Variants in CCDC39 observed in about 807,000 individuals in gnomAD.
CCDC39 encodes coiled-coil domain 39 molecular ruler complex subunit, also known as coiled-coil domain-containing protein 39.
A neutral mutation model predicts 121.0 loss-of-function variants in CCDC39; 113 were observed. The ratio of observed to expected loss-of-function variants is 0.93; its 90% CI spans 0.80 to 1.09. The LOEUF is 1.09. Among genes scored for constraint, CCDC39 ranks in the 50% least tolerant of loss-of-function variants. The pLI is 0.00. For missense variants in CCDC39, 1,063 were observed against 1,074.7 expected (o/e 0.99, Z 0.15); for synonymous variants, 349 against 352.2 (o/e 0.99, Z 0.10).
intron 14 of CCDC39, among the ~76,000 whole-genome samples, chr3:180,623,003 T>G (rs1489054766): frequency 6.6e-6 from 1 of 151,870 alleles, no homozygotes; most frequent in Admixed American, 6.6e-5. Flanking sequence ...TTGTATTAGT[T>G]CTTCTTTGTA....
intron 1 of CCDC39, among the ~76,000 whole-genome samples, chr3:180,670,639 C>CTTTTTTTTTTTTTTTTTTTTTTCTTT (rs573623299): frequency 8.3e-6 from 1 of 120,432 alleles, no homozygotes; most frequent in Non-Finnish European, 1.8e-5. Flanking sequence ...TTTTTTTTCT[C>CTTTTTTTTTTTTTTTTTTTTTTCTTT]TTTTTTTTTT....
At chr3:180,658,036 C>T (rs1454051520) in intron 6 of CCDC39, among the ~76,000 whole-genome samples, 1 of 150,492 alleles carries the variant, frequency 6.6e-6, no homozygotes, top group African/African-American at 2.4e-5. Flanking sequence ...GAGTTCGAGA[C>T]CAGCCTGGCC....
intron 3 of CCDC39, among the ~76,000 whole-genome samples, chr3:180,661,295 A>T (rs954641080): frequency 5.9e-5 from 9 of 152,184 alleles, no homozygotes; most frequent in African/African-American, 1.7e-4. Flanking sequence ...CTATATAAAC[A>T]AATACAAATT....
chr3:180,616,737 C>G (rs1286138889), intron 17 of CCDC39, 42 bp from the exon 18 acceptor site: 3 of 1,569,856 alleles, frequency 1.9e-6, no homozygotes, highest in Non-Finnish European at 2.6e-6. Context: ...AACGTGTTTA[C>G]CAGAATTTAA....
intron 11 of CCDC39, 59 bp from the exon 12 acceptor site, chr3:180,644,316 A>G: frequency 9.9e-7 from 1 of 1,013,638 alleles, no homozygotes. Context: ...AAAATATTAA[A>G]TACATGCTGT....
At chr3:180,650,411 A>G (rs962638272) in intron 9 of CCDC39, among the ~76,000 whole-genome samples, 1 of 152,238 alleles carries the variant, frequency 6.6e-6, no homozygotes, top group African/African-American at 2.4e-5. Context: ...ACAAAAAAAC[A>G]GTGATAATCA....
intron 14 of CCDC39, among the ~76,000 whole-genome samples, chr3:180,629,010 T>TA (rs1404383457): frequency 1.3e-5 from 2 of 152,176 alleles, no homozygotes; most frequent in African/African-American, 4.8e-5. Context: ...AAAACAGACT[T>TA]ACATTGAAAA....
intron 6 of CCDC39, among the ~76,000 whole-genome samples, chr3:180,658,441 C>CA (rs1000481091): frequency 6.6e-6 from 1 of 150,742 alleles, no homozygotes; most frequent in Non-Finnish European, 1.5e-5. Context: ...ACTAAAAATC[C>CA]AAAAAAATTA....
chr3:180,666,401 T>A (rs943545379), intron 1 of CCDC39, among the ~76,000 whole-genome samples: 4 of 152,202 alleles, frequency 2.6e-5, no homozygotes, highest in African/African-American at 9.6e-5. Flanking sequence ...TGTTTTTACT[T>A]TTATTGTATT....
rs569366223 is a variant in CCDC39 at position 180,626,616 on chromosome 3, A to G, written c.1998+4853T>C. Among the ~76,000 whole-genome samples, 27 of 152,258 alleles carry G rather than the reference A, an allele frequency of 1.8e-4. No homozygotes were observed. In the East Asian group the frequency reaches 1.9e-3, roughly 11 times the overall value. The stretch of plus-strand genomic sequence containing the variant: ...ATCGGAGACAGCTGCAGCAATGTCA[A>G]CCTGCACTTGGCCCAAATGTGGGGC... On this transcript the variant is annotated intron_variant, in intron 14 of 19. Coordinates refer to ENST00000476379, the MANE Select transcript of CCDC39 (RefSeq NM_181426.2).
rs539558889 is a variant in CCDC39 at position 180,671,809 on chromosome 3, G to A, written c.90+7482C>T. 2.6e-5 allele frequency among the ~76,000 whole-genome samples: 4 copies of A among 152,142 alleles called. No individual in the cohort carries two copies. The South Asian group carries it at 8.3e-4, about 32-fold the overall frequency. On this transcript the variant is annotated intron_variant, in intron 1 of 19. Coordinates refer to ENST00000476379, the MANE Select transcript of CCDC39 (RefSeq NM_181426.2). The stretch of plus-strand genomic sequence containing the variant: ...AGGGTGAAGAAGCTGCAGAAGAAAA[G>A]TTTAAAACTAGCAGAGCTGGGTTCA...
intron 18 of CCDC39, 22 bp downstream of exon 18, chr3:180,616,494 T>G (rs767886116): frequency 6.6e-7 from 1 of 1,513,226 alleles, no homozygotes; most frequent in Admixed American, 2.3e-5. Flanking sequence ...TAAGAAATAT[T>G]TAATAGAAGG....
intron 14 of CCDC39, among the ~76,000 whole-genome samples, chr3:180,620,940 T>C (rs1398800384): frequency 6.6e-6 from 1 of 152,074 alleles, no homozygotes; most frequent in Non-Finnish European, 1.5e-5. Context: ...TTCTGAGTCT[T>C]CCGTGTCTAT....
At chr3:180,678,681 T>A (rs2108438513) in intron 1 of CCDC39, among the ~76,000 whole-genome samples, 1 of 151,898 alleles carries the variant, frequency 6.6e-6, no homozygotes. Context: ...TAACAACTGC[T>A]ATGAATTGTA....
chr3:180,630,975 T>G (rs537295350), intron 14 of CCDC39, among the ~76,000 whole-genome samples: 1 of 151,924 alleles, frequency 6.6e-6, no homozygotes, highest in South Asian at 2.1e-4. Flanking sequence ...GGCATAAGAG[T>G]GGGTGGCTAT....
intron 1 of CCDC39, among the ~76,000 whole-genome samples, chr3:180,675,571 T>C (rs1160796779): frequency 6.6e-6 from 1 of 152,168 alleles, no homozygotes; most frequent in Non-Finnish European, 1.5e-5. Flanking sequence ...AATTGTGATG[T>C]TAGGGTGTCA....
In CCDC39 at chr3:180,656,358, T is replaced by C. The variant is rs769714503; in HGVS notation, c.739-1405A>G. 1.6e-4 allele frequency among the ~76,000 whole-genome samples: 24 copies of C among 152,342 alleles called. No individual in the cohort carries two copies. In the Middle Eastern group the frequency reaches 0.014, roughly 86 times the overall value. ...CTTCTACACTGTAATAAAAGCATAG[T>C]AGAAAAATATTTTTCCACTTCTACA... On this transcript the variant is annotated intron_variant, in intron 6 of 19. Coordinates refer to ENST00000476379, the MANE Select transcript of CCDC39 (RefSeq NM_181426.2).
At chr3:180,674,083 C>G (rs1398168231) in intron 1 of CCDC39, among the ~76,000 whole-genome samples, 1 of 152,028 alleles carries the variant, frequency 6.6e-6, no homozygotes, top group Non-Finnish European at 1.5e-5. Flanking sequence ...TGGCCATTTT[C>G]ACGATATTGA....
intron 2 of CCDC39, among the ~76,000 whole-genome samples, 198 bp downstream of exon 2, chr3:180,663,669 C>CAAA (rs71182539): frequency 2.5e-5 from 3 of 118,160 alleles, no homozygotes; most frequent in Non-Finnish European, 5.5e-5. Context: ...GACTTCATCT[C>CAAA]AAAAAAAAAA....
Sources: gnomAD v4.1 joint callset for allele counts (sites outside exome capture counted in the v4.1 genomes callset) on GRCh38, gnomAD v4.1.1 for gene constraint, MANE v1.5 for transcripts, NCBI Gene and HGNC (gene_info 2026-07-23, HGNC 2026-07-21) for gene names.